ARPP21: variants seen among roughly 807,000 people sequenced by gnomAD.
ARPP21 encodes the protein cAMP-regulated phosphoprotein 21.
A neutral mutation model predicts 113.2 loss-of-function variants in ARPP21; 69 were observed. The ratio of observed to expected loss-of-function variants is 0.61; its 90% CI spans 0.50 to 0.74. ARPP21 has a LOEUF of 0.74. ARPP21 is among the 30% of genes least tolerant of loss of function. The probability of loss-of-function intolerance (pLI) is 0.00; values close to 1 mark genes in which losing one functional copy is unlikely to be tolerated. For synonymous variants in ARPP21, 368 were observed against 375.5 expected (o/e 0.98, Z 0.23); for missense variants, 1,070 against 1,037.4 (o/e 1.03, Z -0.43).
intron 9 of ARPP21, among the ~76,000 whole-genome samples, chr3:35,692,936 T>C (rs1178602311): frequency 6.6e-6 from 1 of 151,760 alleles, no homozygotes; most frequent in Admixed American, 6.6e-5. Flanking sequence ...TTGTGTTTCC[T>C]GCAAGTTCCC....
intron 9 of ARPP21, among the ~76,000 whole-genome samples, chr3:35,701,731 A>G (rs2086483303): frequency 6.6e-6 from 1 of 151,472 alleles, no homozygotes; most frequent in African/African-American, 2.4e-5. Context: ...AGATAAATCA[A>G]AAAGGACACA....
chr3:35,709,042 G>C lies in ARPP21; in HGVS notation c.869G>C (p.Arg290Thr). 6.2e-7 allele frequency: 1 copy of C among 1,613,282 alleles called. No homozygotes were observed. Among genetic ancestry groups the C allele is most frequent in the Non-Finnish European group, 8.5e-7 (1 of 1,179,250 alleles). Residue 290 changes from arginine to threonine, a missense_variant, in exon 11 of 21, where the codon AGA becomes ACA. Arg to Thr is a moderately conservative substitution (Grantham distance 71, BLOSUM62 -1). Coordinates refer to ENST00000684406, the MANE Select transcript of ARPP21 (RefSeq NM_001385562.1). ...GAAGAGAGAGAAGAGGAATATCAGA[G>C]AGTGAGGGAGAGAATATTTGCACAC... ...SIEEREEEYQRVRERIFAHDS... is the reference protein window; with the variant it reads ...SIEEREEEYQTVRERIFAHDS...
intron 18 of ARPP21, among the ~76,000 whole-genome samples, chr3:35,741,819 C>A (rs1415133098): frequency 6.6e-6 from 1 of 152,108 alleles, no homozygotes; most frequent in Non-Finnish European, 1.5e-5. Context: ...TTGCTGTTAA[C>A]CTGGCTTTCT....
intron 14 of ARPP21, among the ~76,000 whole-genome samples, chr3:35,727,209 G>A (rs2093602918): frequency 6.6e-6 from 1 of 152,176 alleles, no homozygotes; most frequent in Admixed American, 6.5e-5. Flanking sequence ...GAGAACACTT[G>A]TGACAGGCCA....
Position 35,687,796 on chromosome 3 carries a change from A to T in ARPP21, c.319A>T (p.Arg107Trp). 1.9e-6 allele frequency: 3 copies of T among 1,606,830 alleles called. No homozygotes were observed. Among genetic ancestry groups the T allele is most frequent in the Non-Finnish European group, 2.6e-6 (3 of 1,176,372 alleles). ...CAGCCTGCAAGAGGAGGATAAATCT[A>T]GGAAAGATGACTCTGAAAGAGAAAA... ...FSSLQEEDKS[R>W]KDDSEREKEK... The change falls in exon 6 of 21, where the codon AGG becomes TGG. Residue 107 changes from arginine (R) to tryptophan (W), a missense_variant. Arg to Trp is a moderately radical substitution (Grantham distance 101, BLOSUM62 -3). Transcript: ENST00000684406.
At chr3:35,789,129 A>G (rs1208051370) in intron 19 of ARPP21, among the ~76,000 whole-genome samples, 2 of 152,230 alleles carry the variant, frequency 1.3e-5, no homozygotes, top group East Asian at 1.9e-4. Context: ...CTAATCCTCA[A>G]TAAATATGAA....
At chr3:35,749,827 T>A (rs973321449) in intron 19 of ARPP21, among the ~76,000 whole-genome samples, 2 of 152,280 alleles carry the variant, frequency 1.3e-5, no homozygotes, top group Non-Finnish European at 2.9e-5. Flanking sequence ...TTCTTCCAAG[T>A]GGCTGAATTT....
chr3:35,774,130 C>T (rs1378476), intron 19 of ARPP21, among the ~76,000 whole-genome samples: 57,896 of 151,958 alleles, frequency 0.38, 11,524 homozygotes, highest in Non-Finnish European at 0.42. Context: ...TTAAAAATGA[C>T]TTCCTATCAG....
chr3:35,730,471 C>T, intron 15 of ARPP21, among the ~76,000 whole-genome samples: 1 of 152,192 alleles, frequency 6.6e-6, no homozygotes, highest in Non-Finnish European at 1.5e-5. Flanking sequence ...CTAGGACAGA[C>T]TTCCACAGCA....
rs1278636148 is a variant in ARPP21 at position 35,794,321 on chromosome 3, A to G, written c.*363A>G. 4.3e-6 allele frequency: 1 copy of G among 232,112 alleles called. No individual in the cohort carries two copies. Among genetic ancestry groups the G allele is most frequent in the African/African-American group, 2.2e-5 (1 of 44,844 alleles). The allele number at this position is 232,112 out of a possible 1,614,324, so 14.4% of individuals were successfully genotyped here. A position where few individuals can be genotyped will look rare whatever the true frequency, so the allele number is the denominator to read the frequency against. ...ATTTAAAAATTATATACTAAATCAC[A>G]TTGTACCAAAGCTGTAATGGAAAAG... On this transcript the variant is annotated 3_prime_UTR_variant, in exon 21 of 21. Coordinates refer to ENST00000684406, the MANE Select transcript of ARPP21 (RefSeq NM_001385562.1).
intron 19 of ARPP21, among the ~76,000 whole-genome samples, chr3:35,759,882 G>C (rs2095705250): frequency 6.6e-6 from 1 of 151,988 alleles, no homozygotes; most frequent in Admixed American, 6.6e-5. Context: ...AAACCAATGT[G>C]CTATGCCAAA....
At chr3:35,790,006 G>A (rs1214210667) in intron 19 of ARPP21, among the ~76,000 whole-genome samples, 1 of 152,096 alleles carries the variant, frequency 6.6e-6, no homozygotes, top group African/African-American at 2.4e-5. Context: ...ATCTTCAGAC[G>A]CTAAGCAACC....
In ARPP21 at chr3:35,721,598, A is replaced by T; in HGVS notation, c.996-7A>T. 6.5e-7 allele frequency: 1 copy of T among 1,545,756 alleles called. No homozygotes were observed. The highest frequency in any genetic ancestry group is 2.2e-5 in the East Asian group (1 of 44,528). ...CCCTGTGCATCTTTCTGGTGGTCGT[A>T]CTCCAGGGGCAACAGAGATGGCTCA... On this transcript the variant is annotated splice_region_variant and splice_polypyrimidine_tract_variant and intron_variant, in intron 13 of 20. Coordinates refer to ENST00000684406, the MANE Select transcript of ARPP21 (RefSeq NM_001385562.1).
At position 35,752,112 on chromosome 3, in the gene ARPP21, T is replaced by A. The variant is rs574137552; in HGVS notation, c.2137+8147T>A. Among the ~76,000 whole-genome samples, 10 of 152,188 alleles carry A rather than the reference T, an allele frequency of 6.6e-5. No individual in the cohort carries two copies. In the South Asian group the frequency reaches 2.1e-3, roughly 32 times the overall value. On this transcript the variant is annotated intron_variant, in intron 19 of 20. Transcript: ENST00000684406. ...TGGGGAAGCTAACGATGGATGCAGA[T>A]AAATCAGGTTGCAATGAACTAAAAA... is the stretch of plus-strand genomic sequence containing the variant.
chr3:35,752,093 A>G (rs537578238), intron 19 of ARPP21, among the ~76,000 whole-genome samples: 12 of 152,260 alleles, frequency 7.9e-5, no homozygotes, highest in African/African-American at 2.6e-4. Context: ...TAATTGGGGA[A>G]GCTAACGATG....
intron 9 of ARPP21, among the ~76,000 whole-genome samples, chr3:35,700,882 G>T (rs1351279224): frequency 6.6e-5 from 10 of 151,562 alleles, no homozygotes; most frequent in African/African-American, 2.4e-4. Context: ...GTCGGGCAGT[G>T]GGGGGCTGGG....
chr3:35,669,119 GGTC>G (rs2075689494), intron 1 of ARPP21, among the ~76,000 whole-genome samples: 1 of 151,694 alleles, frequency 6.6e-6, no homozygotes, highest in South Asian at 2.1e-4. Flanking sequence ...TTGACAGTTG[GGTC>G]TTCCTTCTTT....
chr3:35,757,045 G>A (rs906305755), intron 19 of ARPP21, among the ~76,000 whole-genome samples: 5 of 151,480 alleles, frequency 3.3e-5, no homozygotes, highest in Admixed American at 2.0e-4. Flanking sequence ...ACAGAGTTCA[G>A]AGGGTTTGAA....
chr3:35,690,270 G>A, intron 8 of ARPP21, 130 bp downstream of exon 8: 1 of 624,652 alleles, frequency 1.6e-6, no homozygotes. Flanking sequence ...TTTGTTAAAT[G>A]GAGACATTAT....
Sources: allele counts gnomAD v4.1 joint callset (sites outside exome capture counted in the v4.1 genomes callset), GRCh38; gene constraint gnomAD v4.1.1; transcripts MANE v1.5; gene names NCBI Gene and HGNC (gene_info 2026-07-23, HGNC 2026-07-21).